Variants in CACNA1A observed in about 807,000 individuals in gnomAD.
The protein encoded by CACNA1A is voltage-dependent P/Q-type calcium channel subunit alpha-1A.
Under a neutral mutation model 262.4 loss-of-function variants are expected in CACNA1A, and 57 were observed. The observed-to-expected ratio is 0.22, with a 90% CI of 0.18 to 0.27. The LOEUF is 0.27. Among genes scored for constraint, CACNA1A ranks in the 10% least tolerant of loss-of-function variants. The pLI is 1.00. For synonymous variants in CACNA1A, 1,431 were observed against 1,419.3 expected (o/e 1.01, Z -0.18); for missense variants, 2,526 against 3,562.8 (o/e 0.71, Z 7.41).
At position 13,338,094 on chromosome 19, in the gene CACNA1A, G is replaced by C. The variant is rs115621625; in HGVS notation, c.979-2185C>G. Among the ~76,000 whole-genome samples, 1,512 of 152,196 alleles carry C rather than the reference G, an allele frequency of 9.9e-3. 21 individuals carry two copies. Among genetic ancestry groups the C allele is most frequent in the African/African-American group, 0.035 (1,440 of 41,526 alleles). On this transcript the variant is annotated intron_variant, in intron 6 of 46. Coordinates refer to ENST00000360228, the MANE Select transcript of CACNA1A (RefSeq NM_001127222.2). ...AAATTAGCCGGGCCTGGTGACGGGC[G>C]CCTGTAGCTACCTGGGAGGCTGAGG... is the stretch of plus-strand genomic sequence containing the variant.
chr19:13,471,910 C>A (rs1285640924), intron 1 of CACNA1A, among the ~76,000 whole-genome samples: 1 of 152,132 alleles, frequency 6.6e-6, no homozygotes, highest in African/African-American at 2.4e-5. Context: ...CTGAATGCCA[C>A]TGAATTGCTC....
At chr19:13,460,118 C>A (rs934714942) in intron 1 of CACNA1A, among the ~76,000 whole-genome samples, 1 of 152,174 alleles carries the variant, frequency 6.6e-6, no homozygotes, top group Non-Finnish European at 1.5e-5. Context: ...ACATCTGCAA[C>A]AATGACCTCA....
intron 6 of CACNA1A, among the ~76,000 whole-genome samples, chr19:13,342,148 C>A (rs2058686166): frequency 6.6e-6 from 1 of 151,086 alleles, no homozygotes; most frequent in African/African-American, 2.4e-5. Flanking sequence ...CAACAATTCC[C>A]AGGGAAGAAG....
chr19:13,261,126 A>G (rs2056725427), intron 26 of CACNA1A: 1 of 248,546 alleles, frequency 4.0e-6, no homozygotes, highest in Admixed American at 5.1e-5. Context: ...TGGGAATCTC[A>G]AAATATTCTC....
intron 1 of CACNA1A, among the ~76,000 whole-genome samples, chr19:13,496,724 C>T (rs1025383087): frequency 3.3e-5 from 5 of 152,188 alleles, no homozygotes; most frequent in Non-Finnish European, 7.3e-5. Context: ...ACTTATGCAG[C>T]ACCTACTGTG....
intron 30 of CACNA1A, among the ~76,000 whole-genome samples, chr19:13,251,448 A>T (rs2056395860): frequency 6.6e-6 from 1 of 152,166 alleles, no homozygotes; most frequent in Non-Finnish European, 1.5e-5. Context: ...GCGCCACTGC[A>T]CTCCAGCCTG....
chr19:13,343,457 T>C lies in CACNA1A; in HGVS notation c.979-7548A>G, dbSNP rs572089022. On this transcript the variant is annotated intron_variant, in intron 6 of 46. Coordinates refer to ENST00000360228, the MANE Select transcript of CACNA1A (RefSeq NM_001127222.2). ...GTCTTTCTTAAATGCCAACTTCTGA[T>C]TGACTCTTTTATGGATCCCATGAGG... Among the ~76,000 whole-genome samples the C allele has an allele frequency of 3.3e-4, 50 of 152,128 alleles. 1 individual carries two copies. Among genetic ancestry groups the C allele is most frequent in the Admixed American group, 3.2e-3 (49 of 15,256 alleles).
chr19:13,311,092 C>T (rs1178643824), intron 12 of CACNA1A, among the ~76,000 whole-genome samples: 1 of 151,978 alleles, frequency 6.6e-6, no homozygotes, highest in African/African-American at 2.4e-5. Flanking sequence ...TGTGCCTGGC[C>T]TACTTTTATT....
chr19:13,495,915 A>G (rs1402264908), intron 1 of CACNA1A, among the ~76,000 whole-genome samples: 2 of 151,824 alleles, frequency 1.3e-5, no homozygotes, highest in Non-Finnish European at 2.9e-5. Context: ...TCACCCATCC[A>G]TTTGTCCACC....
intron 3 of CACNA1A, 77 bp from the exon 4 acceptor site, chr19:13,371,856 T>C: frequency 9.7e-7 from 1 of 1,030,042 alleles, no homozygotes; most frequent in Non-Finnish European, 1.5e-6. Flanking sequence ...TGCTTGGGAT[T>C]CCAAGCTGTC....
rs545289974 is a variant in CACNA1A, at chr19:13,364,688, G to C, written c.784+629C>G. 635 of 152,284 alleles carry C rather than the reference G, an allele frequency of 4.2e-3. 4 individuals carry two copies. The highest frequency in any genetic ancestry group is 6.4e-3 in the Non-Finnish European group (438 of 68,074). The allele number at this position is 152,284 out of a possible 1,614,324, so 9.4% of individuals were successfully genotyped here. A position where few individuals can be genotyped will look rare whatever the true frequency, so the allele number is the denominator to read the frequency against. Reference sequence around the variant, plus strand: ...TGGAGTCTCACTCTTTCGCCAGGCTGGAGTGCAGTGGTGTGATCTTGGCTC... The same window carrying C: ...TGGAGTCTCACTCTTTCGCCAGGCTCGAGTGCAGTGGTGTGATCTTGGCTC... On this transcript the variant is annotated intron_variant, in intron 5 of 46. Transcript: ENST00000360228.
intron 6 of CACNA1A, among the ~76,000 whole-genome samples, chr19:13,354,863 CTTTTTCTTTTTTTTTT>C (rs1317386868): frequency 9.8e-6 from 1 of 102,422 alleles, no homozygotes; most frequent in Non-Finnish European, 2.0e-5. Flanking sequence ...GGATGCTTTT[CTTTTTCTTTTTTTTTT>C]TTTTTTTTTT....
At chr19:13,370,202 G>A (rs766825455) in intron 4 of CACNA1A, among the ~76,000 whole-genome samples, 4 of 150,870 alleles carry the variant, frequency 2.7e-5, no homozygotes, top group Admixed American at 2.0e-4. Flanking sequence ...CCGGGTTCAA[G>A]TGATTCTCCT....
chr19:13,253,156 A>G, intron 29 of CACNA1A, 55 bp from the exon 30 acceptor site: 1 of 1,142,564 alleles, frequency 8.8e-7, no homozygotes, highest in African/African-American at 1.5e-5. Context: ...GGGAAGTGGG[A>G]AGTGGGGAGG....
chr19:13,320,803 CA>C (rs771077141), intron 10 of CACNA1A, among the ~76,000 whole-genome samples: 3 of 152,076 alleles, frequency 2.0e-5, no homozygotes, highest in Admixed American at 6.6e-5. Context: ...TTTTAAAAAT[CA>C]CTTTCATGAG....
At chr19:13,309,449 T>C (rs899232950) in intron 12 of CACNA1A, among the ~76,000 whole-genome samples, 1 of 151,760 alleles carries the variant, frequency 6.6e-6, no homozygotes, top group African/African-American at 2.4e-5. Flanking sequence ...TTCTGGAACT[T>C]TGGGAGGCCG....
In CACNA1A at chr19:13,299,284, C is replaced by T. The variant is rs1187115036; in HGVS notation, c.2349G>A (p.Lys783=). Residue 783 remains lysine (K), a synonymous_variant, in exon 19 of 47, where the codon AAG becomes AAA. Coordinates refer to ENST00000360228, the MANE Select transcript of CACNA1A (RefSeq NM_001127222.2). Reference sequence around the variant, plus strand: ...CCTCCCGGCTGGCCAGCAAGTTCTGCTTTCGCATCTCACTGGTCCGCTGCT... The same window carrying T: ...CCTCCCGGCTGGCCAGCAAGTTCTGTTTTCGCATCTCACTGGTCCGCTGCT... ...VWEQRTSEMR[K]QNLLASREAL... 3 of 1,604,048 alleles carry T rather than the reference C, an allele frequency of 1.9e-6. No homozygotes were observed. In the South Asian group the frequency reaches 3.3e-5, roughly 18 times the overall value.
At chr19:13,485,197 A>T (rs1456923169) in intron 1 of CACNA1A, among the ~76,000 whole-genome samples, 1 of 152,230 alleles carries the variant, frequency 6.6e-6, no homozygotes, top group Non-Finnish European at 1.5e-5. Context: ...TGGAATAAAA[A>T]GGAAATTGGA....
intron 10 of CACNA1A, among the ~76,000 whole-genome samples, chr19:13,319,525 C>A (rs567039228): frequency 6.6e-6 from 1 of 152,126 alleles, no homozygotes; most frequent in Non-Finnish European, 1.5e-5. Flanking sequence ...TCAAAACCAC[C>A]CCACTTGCCA....
Sources: gnomAD v4.1 joint callset for allele counts (sites outside exome capture counted in the v4.1 genomes callset) on GRCh38, gnomAD v4.1.1 for gene constraint, MANE v1.5 for transcripts, NCBI Gene and HGNC (gene_info 2026-07-23, HGNC 2026-07-21) for gene names.